The following ADGRV1 variants were observed in gnomAD, a reference collection of about 807,000 sequenced individuals.
ADGRV1 encodes adhesion G protein-coupled receptor V1.
A neutral mutation model predicts 596.2 loss-of-function variants in ADGRV1; 359 were observed. The observed-to-expected ratio is 0.60, with a 90% confidence interval of 0.55 to 0.66. The LOEUF (loss-of-function observed/expected upper bound fraction) is 0.66, where lower values mean the gene tolerates loss of function less well. ADGRV1 is among the 30% of genes least tolerant of loss of function. The pLI is 0.00. For missense variants in ADGRV1, 7,274 were observed against 7,575.6 expected, an observed-to-expected ratio of 0.96 and a Z score of 1.48; for synonymous variants, 2,681 against 2,679.2, an observed-to-expected ratio of 1.00 and a Z score of -0.02.
At chr5:90,598,505 C>T (rs1001192975) in intron 1 of ADGRV1, among the ~76,000 whole-genome samples, 5 of 152,180 alleles carry the variant, frequency 3.3e-5, no homozygotes, top group South Asian at 2.1e-4. Flanking sequence ...ATACAGAGTA[C>T]GTGCTGACCC....
intron 1 of ADGRV1, among the ~76,000 whole-genome samples, chr5:90,574,229 A>G (rs559946669): frequency 3.7e-4 from 57 of 152,054 alleles, no homozygotes; most frequent in Middle Eastern, 6.8e-3. Context: ...ATCGCATTGA[A>G]TCTGTAAATT....
At chr5:90,783,798 T>C in intron 66 of ADGRV1, 40 bp from the exon 67 acceptor site, 1 of 1,435,518 alleles carries the variant, frequency 7.0e-7, no homozygotes, top group Non-Finnish European at 9.5e-7. Flanking sequence ...AGCACTTTAA[T>C]ATGTTTAGAC....
chr5:90,975,576 C>T (rs1779489985), intron 84 of ADGRV1, among the ~76,000 whole-genome samples: 1 of 152,060 alleles, frequency 6.6e-6, no homozygotes, highest in Non-Finnish European at 1.5e-5. Context: ...CTGGAGGAAC[C>T]ATCATTCTCA....
chr5:90,954,561 A>G (rs1162587316), intron 83 of ADGRV1, among the ~76,000 whole-genome samples: 2 of 152,158 alleles, frequency 1.3e-5, no homozygotes, highest in Non-Finnish European at 2.9e-5. Flanking sequence ...TACTTGCTCA[A>G]ATTATGACTA....
intron 86 of ADGRV1, among the ~76,000 whole-genome samples, chr5:91,084,916 C>G (rs1175760806): frequency 6.6e-6 from 1 of 152,170 alleles, no homozygotes; most frequent in Non-Finnish European, 1.5e-5. Context: ...AGGATGAGTT[C>G]ATGTCCTTTG....
At chr5:90,894,042 T>C (rs1771073731) in intron 83 of ADGRV1, among the ~76,000 whole-genome samples, 1 of 152,108 alleles carries the variant, frequency 6.6e-6, no homozygotes, top group African/African-American at 2.4e-5. Flanking sequence ...TAAACCCTAA[T>C]AAAGACTCAA....
chr5:90,838,121 T>C (rs1351228708), intron 77 of ADGRV1, among the ~76,000 whole-genome samples: 2 of 152,232 alleles, frequency 1.3e-5, no homozygotes, highest in Admixed American at 6.5e-5. Flanking sequence ...TTAACTGTTA[T>C]ATAGTATTTC....
At position 90,674,076 on chromosome 5, in the gene ADGRV1, A is replaced by C; in HGVS notation, c.4952A>C (p.Asp1651Ala). 1.2e-6 allele frequency: 2 copies of C among 1,611,890 alleles called. No homozygotes were observed. The highest frequency in any genetic ancestry group is 1.7e-6 in the Non-Finnish European group (2 of 1,178,330). The part of the protein sequence containing the change: ...RSEVLNIYVL[D>A]DDIPELNEYF... ...TAGGTTCTGAATATATATGTTCTTG[A>C]TGATGATATTCCTGAACTTAATGAG... Residue 1651 changes from aspartate (D) to alanine (A), a missense_variant, in exon 23 of 90, where the codon GAT becomes GCT. Asp to Ala is a moderately radical substitution (Grantham distance 126, BLOSUM62 -2). This residue lies in a region of ADGRV1 where 3,643 missense variants were observed against 3,809.2 expected (regional missense o/e 0.96). Transcript: ENST00000405460.
chr5:90,683,210 TTTTA>T (rs148424030), intron 27 of ADGRV1, among the ~76,000 whole-genome samples: 30,434 of 151,888 alleles, frequency 0.2, 3,684 homozygotes, highest in East Asian at 0.4. Flanking sequence ...TTCAATTGTG[TTTTA>T]TTTATTTTTT....
At chr5:90,654,901 G>A (rs1018508257) in intron 20 of ADGRV1, 4 of 152,128 alleles carry the variant, frequency 2.6e-5, no homozygotes, top group African/African-American at 9.7e-5. Context: ...TGATGGTAGT[G>A]GTGGTGGAAT....
intron 83 of ADGRV1, among the ~76,000 whole-genome samples, chr5:90,864,330 G>T (rs1008035761): frequency 6.6e-6 from 1 of 152,150 alleles, no homozygotes; most frequent in Non-Finnish European, 1.5e-5. Flanking sequence ...AGAAGAAACT[G>T]TGTGAAAAAC....
chr5:90,558,872 G>A lies in ADGRV1; in HGVS notation c.-24G>A. 1.9e-6 allele frequency: 3 copies of A among 1,560,974 alleles called. No homozygotes were observed. The highest frequency in any genetic ancestry group is 2.6e-6 in the Non-Finnish European group (3 of 1,151,784). On this transcript the variant is annotated 5_prime_UTR_variant, in exon 1 of 90. Coordinates refer to ENST00000405460, the MANE Select transcript of ADGRV1 (RefSeq NM_032119.4). ...CAGAGCGAGGGTGTGTGGAGGGCCGGCGGGGACCGCCGGGAGCGCGCGGAT... is the reference window on the plus strand; with the variant it reads ...CAGAGCGAGGGTGTGTGGAGGGCCGACGGGGACCGCCGGGAGCGCGCGGAT...
intron 50 of ADGRV1, among the ~76,000 whole-genome samples, chr5:90,730,949 T>A (rs960328785): frequency 6.6e-6 from 1 of 152,174 alleles, no homozygotes; most frequent in Non-Finnish European, 1.5e-5. Context: ...ATTAATTTGA[T>A]ATTATATGTA....
intron 21 of ADGRV1, among the ~76,000 whole-genome samples, chr5:90,671,835 A>G (rs1466324018): frequency 6.6e-6 from 1 of 152,196 alleles, no homozygotes; most frequent in Non-Finnish European, 1.5e-5. Context: ...AGCTGCTTCC[A>G]CCATAGAGTT....
chr5:91,051,537 ATTTTTTT>A (rs1192844206), intron 85 of ADGRV1, among the ~76,000 whole-genome samples: 81 of 102,470 alleles, frequency 7.9e-4, no homozygotes, highest in Middle Eastern at 5.4e-3. Flanking sequence ...TTGACTTAGG[ATTTTTTT>A]TTTTTTTTTT....
intron 21 of ADGRV1, among the ~76,000 whole-genome samples, chr5:90,663,897 A>T (rs1770838329): frequency 6.6e-6 from 1 of 151,614 alleles, no homozygotes; most frequent in South Asian, 2.1e-4. Flanking sequence ...TGTTTTTCTC[A>T]AGTTTGTCAA....
At chr5:90,930,226 T>C (rs1316378354) in intron 83 of ADGRV1, among the ~76,000 whole-genome samples, 2 of 152,232 alleles carry the variant, frequency 1.3e-5, no homozygotes, top group Non-Finnish European at 2.9e-5. Flanking sequence ...GATGTTCTAC[T>C]TTCTTATTAG....
chr5:90,915,368 C>T (rs1041822395), intron 83 of ADGRV1, among the ~76,000 whole-genome samples: 74 of 152,070 alleles, frequency 4.9e-4, no homozygotes, highest in African/African-American at 1.7e-3. Flanking sequence ...TGTAGAATGA[C>T]TGGATTTTGA....
intron 83 of ADGRV1, among the ~76,000 whole-genome samples, chr5:90,915,214 A>G (rs1721644881): frequency 6.6e-6 from 1 of 152,228 alleles, no homozygotes; most frequent in East Asian, 1.9e-4. Context: ...AGGTATTCCA[A>G]TGTACTTTAG....
Sources: allele counts gnomAD v4.1 joint callset (sites outside exome capture counted in the v4.1 genomes callset), GRCh38; gene constraint gnomAD v4.1.1; regional missense constraint gnomAD v4.1.1; transcripts MANE v1.5; gene names NCBI Gene and HGNC (gene_info 2026-07-23, HGNC 2026-07-21).